The following PTPRM variants were observed in gnomAD, a reference collection of about 807,000 sequenced individuals.
PTPRM encodes protein tyrosine phosphatase receptor type M.
Under a neutral mutation model 186.7 loss-of-function variants are expected in PTPRM, and 47 were observed. The observed-to-expected ratio is 0.25, with a 90% confidence interval of 0.20 to 0.32. The LOEUF (loss-of-function observed/expected upper bound fraction) is 0.32. Among genes scored for constraint, PTPRM ranks in the 10% least tolerant of loss-of-function variants. The probability of loss-of-function intolerance (pLI) is 1.00; values close to 1 mark genes in which losing one functional copy is unlikely to be tolerated. For synonymous variants in PTPRM, 668 were observed against 674.9 expected (o/e 0.99, Z 0.16); for missense variants, 1,494 against 1,865.0 (o/e 0.80, Z 3.66).
At chr18:7,976,140 G>A (rs1436495627) in intron 7 of PTPRM, among the ~76,000 whole-genome samples, 1 of 152,078 alleles carries the variant, frequency 6.6e-6, no homozygotes, top group African/African-American at 2.4e-5. Flanking sequence ...TTGCATTCCA[G>A]CCGGGAGACA....
chr18:7,883,756 G>C (rs149030370), intron 2 of PTPRM, among the ~76,000 whole-genome samples: 2 of 152,146 alleles, frequency 1.3e-5, no homozygotes, highest in Non-Finnish European at 2.9e-5. Flanking sequence ...TTCTTCTCTC[G>C]TAAAGAAAGG....
intron 5 of PTPRM, among the ~76,000 whole-genome samples, chr18:7,947,333 T>C (rs2052605655): frequency 6.6e-6 from 1 of 152,114 alleles, no homozygotes; most frequent in Non-Finnish European, 1.5e-5. Context: ...TCTATGAAGG[T>C]TAACCACTCT....
intron 1 of PTPRM, among the ~76,000 whole-genome samples, chr18:7,693,483 C>T (rs536578551): frequency 2.6e-5 from 4 of 152,254 alleles, no homozygotes; most frequent in African/African-American, 9.6e-5. Flanking sequence ...AAGACATAAA[C>T]AGGAACATAT....
At chr18:8,161,822 G>A (rs1392769149) in intron 14 of PTPRM, among the ~76,000 whole-genome samples, 2 of 152,094 alleles carry the variant, frequency 1.3e-5, no homozygotes, top group Admixed American at 6.5e-5. Context: ...CCACTGGCCT[G>A]CATCCTACTT....
intron 7 of PTPRM, among the ~76,000 whole-genome samples, chr18:8,023,768 G>T (rs189377081): frequency 1.4e-4 from 21 of 150,748 alleles, no homozygotes; most frequent in African/African-American, 4.9e-4. Context: ...TTTAAAAATT[G>T]CTATGGATAA....
intron 13 of PTPRM, among the ~76,000 whole-genome samples, chr18:8,135,057 A>C (rs1420288191): frequency 6.6e-6 from 1 of 152,206 alleles, no homozygotes; most frequent in Non-Finnish European, 1.5e-5. Context: ...GTTACCCAGC[A>C]TATAAAGTAG....
At chr18:8,084,433 TTAGAGGATTAACAA>T (rs1195714943) in intron 9 of PTPRM, among the ~76,000 whole-genome samples, 1 of 152,100 alleles carries the variant, frequency 6.6e-6, no homozygotes, top group African/African-American at 2.4e-5. Flanking sequence ...AGGAAGTCTG[TTAGAGGATTAACAA>T]TAGATACTCT....
intron 2 of PTPRM, among the ~76,000 whole-genome samples, chr18:7,860,562 A>T (rs2047328145): frequency 6.6e-6 from 1 of 152,174 alleles, no homozygotes; most frequent in South Asian, 2.1e-4. Context: ...TCACAGAACT[A>T]ATTAGCCTTT....
At chr18:7,919,673 G>C (rs2050752497) in intron 4 of PTPRM, among the ~76,000 whole-genome samples, 1 of 152,162 alleles carries the variant, frequency 6.6e-6, no homozygotes, top group South Asian at 2.1e-4. Context: ...CTAATGAAAA[G>C]AAAGTGTATT....
intron 1 of PTPRM, among the ~76,000 whole-genome samples, chr18:7,656,417 G>A (rs1375955286): frequency 2.0e-5 from 3 of 152,098 alleles, no homozygotes; most frequent in Non-Finnish European, 4.4e-5. Flanking sequence ...GTGAGGGGAG[G>A]GCAGTTGAGA....
At chr18:7,650,257 G>C (rs983650112) in intron 1 of PTPRM, among the ~76,000 whole-genome samples, 1 of 152,120 alleles carries the variant, frequency 6.6e-6, no homozygotes, top group Non-Finnish European at 1.5e-5. Context: ...AGGGCCAACT[G>C]CATTCTTGGG....
At chr18:7,711,421 C>G (rs1408893855) in intron 1 of PTPRM, among the ~76,000 whole-genome samples, 1 of 152,180 alleles carries the variant, frequency 6.6e-6, no homozygotes, top group Non-Finnish European at 1.5e-5. Flanking sequence ...GGGCAGACAC[C>G]GAGCTAGCTG....
chr18:8,362,327 C>T (rs2095602080), intron 23 of PTPRM, among the ~76,000 whole-genome samples: 1 of 152,322 alleles, frequency 6.6e-6, no homozygotes, highest in African/African-American at 2.4e-5. Context: ...CATACACCTA[C>T]ACAAAGGAAC....
chr18:8,280,215 C>T (rs921995551), intron 19 of PTPRM, among the ~76,000 whole-genome samples: 7 of 152,182 alleles, frequency 4.6e-5, no homozygotes, highest in Admixed American at 6.5e-5. Flanking sequence ...CAGTTCTGCA[C>T]GCATGCCCCA....
chr18:8,081,582 C>A (rs909297518), intron 9 of PTPRM, among the ~76,000 whole-genome samples: 7 of 152,166 alleles, frequency 4.6e-5, no homozygotes, highest in African/African-American at 1.7e-4. Context: ...TGAGTTTGAG[C>A]ATGGGAGTAT....
intron 2 of PTPRM, among the ~76,000 whole-genome samples, chr18:7,780,892 G>A (rs1030883696): frequency 2.6e-5 from 4 of 152,098 alleles, no homozygotes; most frequent in Non-Finnish European, 5.9e-5. Context: ...TCCAGCGTAG[G>A]GAAGAGCAGG....
At chr18:7,972,463 AAAAAAAAAAAAACATT>A (rs1426298886) in intron 7 of PTPRM, among the ~76,000 whole-genome samples, 1 of 2,446 alleles carries the variant, frequency 4.1e-4, no homozygotes. Context: ...AAGTATAATT[AAAAAAAAAAAAACATT>A]AAAAAAAAAA....
intron 14 of PTPRM, among the ~76,000 whole-genome samples, chr18:8,172,619 G>A (rs575738788): frequency 2.0e-4 from 30 of 152,024 alleles, no homozygotes; most frequent in African/African-American, 7.0e-4. Context: ...GCTCCAGAGG[G>A]GTGGGCCAGC....
At chr18:7,887,050 AT>A (rs2048823700) in intron 2 of PTPRM, among the ~76,000 whole-genome samples, 1 of 152,266 alleles carries the variant, frequency 6.6e-6, no homozygotes, top group Admixed American at 6.5e-5. Context: ...CACCTTGAAC[AT>A]TGTGATTCAC....
Sources: gnomAD v4.1 joint callset for allele counts (sites outside exome capture counted in the v4.1 genomes callset) on GRCh38, gnomAD v4.1.1 for gene constraint, MANE v1.5 for transcripts, NCBI Gene and HGNC (gene_info 2026-07-23, HGNC 2026-07-21) for gene names.